PCDHA5: variants seen among roughly 807,000 people sequenced by gnomAD.
PCDHA5 encodes the protein protocadherin alpha 5, also known as protocadherin alpha-5.
Under a neutral mutation model 61.6 loss-of-function variants are expected in PCDHA5, and 43 were observed. That is an observed-to-expected ratio of 0.70 (90% CI 0.55 to 0.90). The LOEUF (loss-of-function observed/expected upper bound fraction) is 0.90, where lower values mean the gene tolerates loss of function less well. Ranked by LOEUF, PCDHA5 falls within the 40% of genes least tolerant of loss-of-function variation. The pLI, the probability that PCDHA5 is intolerant of heterozygous loss-of-function variation, is 0.00. For synonymous variants in PCDHA5, 627 were observed against 543.9 expected (o/e 1.15, Z -2.13); for missense variants, 1,298 against 1,222.7 (o/e 1.06, Z -0.92).
intron 1 of PCDHA5, among the ~76,000 whole-genome samples, chr5:140,938,121 A>T (rs981387543): frequency 2.0e-5 from 3 of 151,892 alleles, no homozygotes; most frequent in Admixed American, 6.6e-5. Context: ...CTCTTTTTTT[A>T]AAAAAATAGA....
intron 1 of PCDHA5, chr5:140,883,799 C>T: frequency 1.2e-6 from 2 of 1,612,460 alleles, no homozygotes; most frequent in Non-Finnish European, 1.7e-6. Flanking sequence ...CGTGTCGGTG[C>T]ACGCGGAGAG....
chr5:140,822,104 A>G lies in PCDHA5; in HGVS notation c.329A>G (p.Asp110Gly), dbSNP rs1767195164. 8 of 1,614,140 alleles carry G rather than the reference A, an allele frequency of 5.0e-6. No individual in the cohort carries two copies. In the African/African-American group the frequency reaches 5.3e-5, roughly 11 times the overall value. The change falls in exon 1 of 4, where the codon GAC (aspartate) becomes GGC (glycine). Residue 110 changes from aspartate to glycine, a missense_variant. Physicochemically the swap from Asp to Gly is moderately conservative, Grantham distance 94 (BLOSUM62 -1). Coordinates refer to ENST00000529859, the MANE Select transcript of PCDHA5 (RefSeq NM_018908.3). ...AGCATCCACCTGGAGGTGATCGTGG[A>G]CAGGCCGCTGCAGGTTTTCCATGTG... ...ECSIHLEVIVDRPLQVFHVEV... is the reference protein window; with the variant it reads ...ECSIHLEVIVGRPLQVFHVEV...
chr5:140,957,652 A>G (rs2095373583), intron 1 of PCDHA5, among the ~76,000 whole-genome samples: 1 of 152,132 alleles, frequency 6.6e-6, no homozygotes, highest in African/African-American at 2.4e-5. Flanking sequence ...TAAATATTCA[A>G]TCATGGAGTA....
chr5:140,843,077 G>A, intron 1 of PCDHA5: 1 of 1,595,414 alleles, frequency 6.3e-7, no homozygotes, highest in South Asian at 1.1e-5. Context: ...GCGGTCTGTG[G>A]GCGCGGGCCA....
chr5:140,844,531 T>C (rs1779420037), intron 1 of PCDHA5, among the ~76,000 whole-genome samples: 1 of 149,526 alleles, frequency 6.7e-6, no homozygotes, highest in African/African-American at 2.4e-5. Context: ...ACTCTAATCA[T>C]TCAACCCTTT....
At chr5:140,964,213 A>G (rs1338010666) in intron 1 of PCDHA5, among the ~76,000 whole-genome samples, 10 of 152,210 alleles carry the variant, frequency 6.6e-5, no homozygotes, top group African/African-American at 1.9e-4. Flanking sequence ...CTTTAGTACA[A>G]TGTCTTTCAA....
intron 1 of PCDHA5, chr5:140,883,531 T>C (rs782406173): frequency 6.8e-6 from 11 of 1,614,092 alleles, no homozygotes; most frequent in Middle Eastern, 1.6e-4. Flanking sequence ...TATCAGCCTA[T>C]GAACTGGTGG....
At chr5:140,965,496 ATT>A (rs71766133) in intron 1 of PCDHA5, among the ~76,000 whole-genome samples, 87 of 146,352 alleles carry the variant, frequency 5.9e-4, no homozygotes, top group Middle Eastern at 3.6e-3. Context: ...ATGACAGCAG[ATT>A]TTTTTTTTTT....
At chr5:140,921,744 A>T (rs1554200416) in intron 1 of PCDHA5, among the ~76,000 whole-genome samples, 1 of 152,158 alleles carries the variant, frequency 6.6e-6, no homozygotes. Context: ...TATAAGCATA[A>T]CAGGACACTT....
At chr5:140,880,944 G>A (rs1256173059) in intron 1 of PCDHA5, among the ~76,000 whole-genome samples, 2 of 152,198 alleles carry the variant, frequency 1.3e-5, no homozygotes, top group African/African-American at 4.8e-5. Context: ...AATGGAGCAG[G>A]AGAGGATGAT....
intron 1 of PCDHA5, chr5:140,859,217 C>A (rs1409192343): frequency 1.3e-5 from 2 of 149,754 alleles, no homozygotes; most frequent in Non-Finnish European, 3.0e-5. Context: ...AGCTCTTTCA[C>A]TTTAAGGAAG....
At chr5:140,875,221 A>G (rs2055359390) in intron 1 of PCDHA5, 3 of 759,332 alleles carry the variant, frequency 4.0e-6, no homozygotes, top group South Asian at 3.3e-5. Flanking sequence ...AAAGAACCTC[A>G]GGATCTTTCT....
chr5:140,863,308 G>T (rs782229195), intron 1 of PCDHA5: 3 of 1,462,294 alleles, frequency 2.1e-6, no homozygotes, highest in Non-Finnish European at 1.9e-6. Context: ...CGCCATCTGC[G>T]TGGTGTCCAG....
At chr5:140,851,590 A>T in intron 1 of PCDHA5, 1 of 918,156 alleles carries the variant, frequency 1.1e-6, no homozygotes, top group Non-Finnish European at 1.3e-6. Flanking sequence ...ATTTTTTGAA[A>T]TTCAGTTTAC....
chr5:140,962,939 C>CA (rs2095722674), intron 1 of PCDHA5, among the ~76,000 whole-genome samples: 1 of 152,134 alleles, frequency 6.6e-6, no homozygotes, highest in African/African-American at 2.4e-5. Context: ...ACCTCCTCTC[C>CA]ATAAGATATG....
rs2150132035 is a variant in PCDHA5, at chr5:140,824,083, G to C, written c.2308G>C (p.Ala770Pro). 4.3e-6 allele frequency: 7 copies of C among 1,614,188 alleles called. No individual in the cohort carries two copies. Among genetic ancestry groups the C allele is most frequent in the Non-Finnish European group, 5.9e-6 (7 of 1,180,022 alleles). The change falls in exon 1 of 4, where the codon GCC becomes CCC. Residue 770 changes from alanine to proline, a missense_variant. Physicochemically the swap from Ala to Pro is conservative, Grantham distance 27. Transcript: ENST00000529859. ...GEAPPKTDLM[A>P]FSPSLPQGPT... is the part of the protein sequence containing the mutation. ...AGCTCCACCCAAAACAGACCTCATG[G>C]CCTTCAGTCCAAGCCTTCCTCAGGG...
intron 1 of PCDHA5, among the ~76,000 whole-genome samples, chr5:140,931,584 AAC>A (rs1355868674): frequency 1.3e-5 from 2 of 152,054 alleles, no homozygotes; most frequent in Admixed American, 1.3e-4. Flanking sequence ...CATTCAGTTG[AAC>A]AGTCTTTTTC....
chr5:140,876,477 G>A, intron 1 of PCDHA5: 1 of 1,614,034 alleles, frequency 6.2e-7, no homozygotes, highest in Non-Finnish European at 8.5e-7. Flanking sequence ...GTCACAGCAT[G>A]GTCCTGGTGG....
chr5:140,924,102 T>C (rs1227932285), intron 1 of PCDHA5, among the ~76,000 whole-genome samples: 1 of 152,242 alleles, frequency 6.6e-6, no homozygotes. Context: ...TAAATTTTCA[T>C]TCCAAAGCAG....
Sources: gnomAD v4.1 joint callset for allele counts (sites outside exome capture counted in the v4.1 genomes callset) on GRCh38, gnomAD v4.1.1 for gene constraint, MANE v1.5 for transcripts, NCBI Gene and HGNC (gene_info 2026-07-23, HGNC 2026-07-21) for gene names.